Variants in ILDR2 observed in about 807,000 individuals in gnomAD.
The protein encoded by ILDR2 is immunoglobulin-like domain-containing receptor 2.
Under a neutral mutation model 66.8 loss-of-function variants are expected in ILDR2, and 25 were observed. The observed-to-expected ratio is 0.37, with a 90% CI of 0.27 to 0.52. The LOEUF (loss-of-function observed/expected upper bound fraction) is 0.52, where lower values mean the gene tolerates loss of function less well. Among genes scored for constraint, ILDR2 ranks in the 20% least tolerant of loss-of-function variants. ILDR2 has a pLI of 0.88. For synonymous variants in ILDR2, 367 were observed against 357.2 expected, an observed-to-expected ratio of 1.03 and a Z score of -0.31; for missense variants, 827 against 876.8, an observed-to-expected ratio of 0.94 and a Z score of 0.72.
chr1:166,954,070 C>A (rs1452097588), intron 3 of ILDR2, among the ~76,000 whole-genome samples: 1 of 152,192 alleles, frequency 6.6e-6, no homozygotes, highest in African/African-American at 2.4e-5. Context: ...AGACACTTCT[C>A]ATGCTCACTG....
chr1:166,949,108 A>G (rs1661818316), intron 3 of ILDR2, among the ~76,000 whole-genome samples: 1 of 152,226 alleles, frequency 6.6e-6, no homozygotes, highest in African/African-American at 2.4e-5. Context: ...CAGCCTCAGC[A>G]CTATTTCTAT....
At chr1:166,903,498 G>A (rs1249258651), downstream of ILDR2, among the ~76,000 whole-genome samples, 1 of 152,174 alleles carries the variant, frequency 6.6e-6, no homozygotes, top group Non-Finnish European at 1.5e-5. Flanking sequence ...ACATTGCTCT[G>A]GTGATAACTC....
intron 2 of ILDR2, among the ~76,000 whole-genome samples, chr1:166,897,470 T>G (rs948952718): frequency 6.6e-6 from 1 of 152,126 alleles, no homozygotes; most frequent in Non-Finnish European, 1.5e-5. Context: ...CCTAGATGAT[T>G]TCAGGATGGG....
chr1:166,967,386 A>C (rs1663023217), intron 1 of ILDR2, among the ~76,000 whole-genome samples: 1 of 152,186 alleles, frequency 6.6e-6, no homozygotes, highest in South Asian at 2.1e-4. Context: ...CTATACTTTA[A>C]ATGGGAAGGA....
In ILDR2 at chr1:166,911,122, C is replaced by G. The variant is rs753824276; in HGVS notation, c.*8233G>C. 1 of 152,178 alleles carries G rather than the reference C, an allele frequency of 6.6e-6. No homozygotes were observed. The highest frequency in any genetic ancestry group is 1.5e-5 in the Non-Finnish European group (1 of 68,036). 9.4% of individuals were successfully genotyped at this position (152,178 alleles called of 1,614,324 possible). On this transcript the variant is annotated 3_prime_UTR_variant, in exon 10 of 10. Coordinates refer to ENST00000271417, the MANE Select transcript of ILDR2 (RefSeq NM_199351.3). ...TTATTTGGCCACTCTTAACAATTAA[C>G]AGCCTTCTGTTCACTCTTAAACCCT...
chr1:166,921,245 T>C lies in ILDR2; in HGVS notation c.1346A>G (p.His449Arg), dbSNP rs751355370. ...GAAGCGGCTCCCGCCCCGCGCCTCG[T>C]GACTGTTGCCGTCTGCCCGGCGGGG... The part of the protein sequence containing the change: ...QRPRRADGNS[H>R]EARGGSRFER... The change falls in exon 9 of 10, where the codon CAC (histidine) becomes CGC (arginine). Residue 449 changes from histidine (H) to arginine (R), a missense_variant. His to Arg is a conservative substitution (Grantham distance 29, BLOSUM62 0). Around this residue, in one of 2 missense-constraint regions of ILDR2, gnomAD observed 390 missense variants for 353.6 expected, o/e 1.10. Transcript: ENST00000271417. This position sits in a 1 kb window ranked among gnomAD's most constrained non-coding sequence, Gnocchi z 5.3. The C allele has an allele frequency of 6.3e-7, 1 of 1,598,604 alleles. No individual in the cohort carries two copies. Among genetic ancestry groups the C allele is most frequent in the Non-Finnish European group, 8.5e-7 (1 of 1,176,816 alleles).
At chr1:166,907,435 C>T (rs1004787547), downstream of ILDR2, among the ~76,000 whole-genome samples, 3 of 152,160 alleles carry the variant, frequency 2.0e-5, no homozygotes, top group Admixed American at 6.5e-5. Context: ...TCTCAGGAAT[C>T]GCCATGGAAC....
intron 1 of ILDR2, among the ~76,000 whole-genome samples, chr1:166,959,832 G>A (rs923056554): frequency 6.6e-6 from 1 of 152,154 alleles, no homozygotes; most frequent in Non-Finnish European, 1.5e-5. Context: ...AATATGATGA[G>A]AGGCAGAAAA....
chr1:166,916,704 T>C lies in ILDR2; in HGVS notation c.*2651A>G, dbSNP rs1659657773. 6.6e-6 allele frequency: 1 copy of C among 152,258 alleles called. No homozygotes were observed. The highest frequency in any genetic ancestry group is 2.4e-5 in the African/African-American group (1 of 41,470). The allele number at this position is 152,258 out of a possible 1,614,324, so 9.4% of individuals were successfully genotyped here. ...AAAGCCTGGAAGTCTGAATGATTTA[T>C]CCAGTTCTACAAAGGACAACCTGGT... On this transcript the variant is annotated 3_prime_UTR_variant, in exon 10 of 10. Transcript: ENST00000271417.
chr1:166,901,194 A>G (rs1659259329), intron 2 of ILDR2, among the ~76,000 whole-genome samples: 1 of 152,198 alleles, frequency 6.6e-6, no homozygotes, highest in Non-Finnish European at 1.5e-5. Context: ...GCATGCCTCA[A>G]ATGCTCCACA....
chr1:166,906,278 A>T (rs148596279), downstream of ILDR2, among the ~76,000 whole-genome samples: 1 of 152,358 alleles, frequency 6.6e-6, no homozygotes, highest in East Asian at 1.9e-4. Context: ...GCAACCAGAC[A>T]CAAAAATAGA....
intron 3 of ILDR2, among the ~76,000 whole-genome samples, chr1:166,956,340 G>T (rs1165608863): frequency 6.6e-6 from 1 of 152,160 alleles, no homozygotes; most frequent in African/African-American, 2.4e-5. Flanking sequence ...GTCTCCAGAG[G>T]TTCTGACACA....
intron 1 of ILDR2, among the ~76,000 whole-genome samples, chr1:166,967,542 A>C (rs1443373779): frequency 2.6e-5 from 4 of 152,200 alleles, no homozygotes; most frequent in African/African-American, 9.6e-5. Flanking sequence ...AGATTGTTTC[A>C]GGCTAGGAGT....
At chr1:166,934,287 A>T (rs1197524395) in intron 6 of ILDR2, among the ~76,000 whole-genome samples, 1 of 152,156 alleles carries the variant, frequency 6.6e-6, no homozygotes, top group Non-Finnish European at 1.5e-5. Context: ...AGCTCTCCTT[A>T]CCACTTATTT....
At chr1:166,952,008 G>A (rs1293767273) in intron 3 of ILDR2, among the ~76,000 whole-genome samples, 1 of 152,112 alleles carries the variant, frequency 6.6e-6, no homozygotes, top group Admixed American at 6.6e-5. Flanking sequence ...CTAATTAAAG[G>A]CCTTTAAAAA....
At position 166,909,772 on chromosome 1, in the gene ILDR2, T is replaced by A. The variant is rs1462804548; in HGVS notation, c.*9583A>T. ...ATATATATATATAAATATATATAAATATATATATTTATATATATATATATA... is the reference window on the plus strand; with the variant it reads ...ATATATATATATAAATATATATAAAAATATATATTTATATATATATATATA... On this transcript the variant is annotated 3_prime_UTR_variant, in exon 10 of 10. Coordinates refer to ENST00000271417, the MANE Select transcript of ILDR2 (RefSeq NM_199351.3). 2 of 33,254 alleles carry A rather than the reference T, an allele frequency of 6.0e-5. No homozygotes were observed. The highest frequency in any genetic ancestry group is 1.1e-4 in the Non-Finnish European group (2 of 18,782). The allele number at this position is 33,254 out of a possible 1,614,324, so 2.1% of individuals were successfully genotyped here.
At chr1:166,939,719 T>C (rs1661203456) in intron 3 of ILDR2, 149 bp from the exon 4 acceptor site, 1 of 645,896 alleles carries the variant, frequency 1.5e-6, no homozygotes, top group Non-Finnish European at 2.8e-6. Context: ...AAAGCTAGGC[T>C]GAGACAAGAG....
At chr1:166,899,407 GA>G (rs1659225208) in intron 2 of ILDR2, among the ~76,000 whole-genome samples, 1 of 150,026 alleles carries the variant, frequency 6.7e-6, no homozygotes, top group Non-Finnish European at 1.5e-5. Flanking sequence ...AAAAAAAAAA[GA>G]AAAGAAAAGA....
chr1:166,960,427 C>T (rs2072741), intron 1 of ILDR2, among the ~76,000 whole-genome samples: 59,338 of 151,928 alleles, frequency 0.39, 11,991 homozygotes, highest in East Asian at 0.59. Flanking sequence ...TCTCATCTGA[C>T]CATACACTAA....
Sources: gnomAD v4.1 joint callset for allele counts (sites outside exome capture counted in the v4.1 genomes callset) on GRCh38, gnomAD v4.1.1 for gene constraint, gnomAD v4.1.1 regional missense constraint, Gnocchi (gnomAD v3.1) non-coding constraint, MANE v1.5 for transcripts, NCBI Gene and HGNC (gene_info 2026-07-23, HGNC 2026-07-21) for gene names.